The following MTTP variants were observed in gnomAD, a reference collection of about 807,000 sequenced individuals.
MTTP encodes microsomal triglyceride transfer protein large subunit.
Under a neutral mutation model 90.6 loss-of-function variants are expected in MTTP, and 49 were observed. The ratio of observed to expected loss-of-function variants is 0.54; its 90% CI spans 0.43 to 0.69. The LOEUF is 0.69. MTTP is among the 30% of genes least tolerant of loss of function. The pLI is 0.00. For synonymous variants in MTTP, 347 were observed against 384.2 expected (o/e 0.90, Z 1.13); for missense variants, 945 against 1,067.5 (o/e 0.89, Z 1.60).
In MTTP at chr4:99,622,167, A is replaced by C. The variant is rs546739384; in HGVS notation, c.2514-510A>C. Among the ~76,000 whole-genome samples the C allele has an allele frequency of 6.6e-5, 10 of 152,336 alleles. No homozygotes were observed. The East Asian group carries it at 1.7e-3, about 26-fold the overall frequency. Reference sequence around the variant, plus strand: ...TAAGTTATATCTAGAATGAACCTCCACAAATGCATTTTAAAAACCCCAACC... The same window carrying C: ...TAAGTTATATCTAGAATGAACCTCCCCAAATGCATTTTAAAAACCCCAACC... On this transcript the variant is annotated intron_variant, in intron 17 of 17. Transcript: ENST00000265517.
chr4:99,590,843 ACACACACACACACACACACAC>A (rs1725397392), intron 4 of MTTP, among the ~76,000 whole-genome samples: 1 of 89,430 alleles, frequency 1.1e-5, no homozygotes, highest in Non-Finnish European at 2.2e-5. Flanking sequence ...AGTTACACAC[ACACACACACACACACACACAC>A]CACACACACA....
intron 12 of MTTP, among the ~76,000 whole-genome samples, chr4:99,609,542 C>A (rs1725900567): frequency 6.6e-6 from 1 of 152,146 alleles, no homozygotes; most frequent in Non-Finnish European, 1.5e-5. Context: ...GTGGCTCCCC[C>A]AAGGTGCCTC....
At chr4:99,575,295 T>G (rs956249088) in intron 1 of MTTP, among the ~76,000 whole-genome samples, 4 of 152,226 alleles carry the variant, frequency 2.6e-5, no homozygotes, top group African/African-American at 9.6e-5. Context: ...CTGCTGTTGT[T>G]GGTCACATTG....
chr4:99,601,102 T>A (rs531794957), intron 9 of MTTP, among the ~76,000 whole-genome samples: 2 of 152,128 alleles, frequency 1.3e-5, no homozygotes, highest in African/African-American at 4.8e-5. Flanking sequence ...TACACCTACA[T>A]TGAAGAGATA....
At chr4:99,585,315 AAAGTT>A (rs1725233140) in intron 3 of MTTP, among the ~76,000 whole-genome samples, 1 of 152,134 alleles carries the variant, frequency 6.6e-6, no homozygotes, top group African/African-American at 2.4e-5. Context: ...ATGAGGAACC[AAAGTT>A]AAGAAAAGTT....
At chr4:99,583,980 A>G (rs1057615) in intron 3 of MTTP, 44,609 of 173,846 alleles carry the variant, frequency 0.26, 6,058 homozygotes, top group South Asian at 0.33. Flanking sequence ...AAGATTTTAA[A>G]AGGGTATGAC....
intron 10 of MTTP, among the ~76,000 whole-genome samples, chr4:99,605,869 A>ATGTGTGTGTGTG (rs111417359): frequency 0.2 from 30,401 of 149,116 alleles, 3,673 homozygotes; most frequent in East Asian, 0.43. Flanking sequence ...AACCCCATGT[A>ATGTGTGTGTGTG]TGTGTGTGTG....
chr4:99,594,168 T>C (rs915469114), intron 6 of MTTP, among the ~76,000 whole-genome samples: 1 of 152,202 alleles, frequency 6.6e-6, no homozygotes, highest in Non-Finnish European at 1.5e-5. Flanking sequence ...AGAGAAAAGC[T>C]GAATTCTCTT....
At chr4:99,579,559 C>G (rs1292903219) in intron 1 of MTTP, among the ~76,000 whole-genome samples, 2 of 152,142 alleles carry the variant, frequency 1.3e-5, no homozygotes, top group African/African-American at 4.8e-5. Flanking sequence ...AGAGGTTTTT[C>G]TCTCAGCATC....
At chr4:99,567,488 A>G (rs1724730662) in intron 1 of MTTP, among the ~76,000 whole-genome samples, 2 of 152,302 alleles carry the variant, frequency 1.3e-5, no homozygotes, top group South Asian at 4.1e-4. Flanking sequence ...AAAATCACTA[A>G]AAAACAGAGG....
intron 1 of MTTP, among the ~76,000 whole-genome samples, chr4:99,576,964 T>C (rs1724979370): frequency 6.6e-6 from 1 of 152,294 alleles, no homozygotes; most frequent in Admixed American, 6.5e-5. Context: ...AGGGTCCACT[T>C]CTGGAGTCTT....
intron 8 of MTTP, 35 bp from the exon 9 acceptor site, chr4:99,600,530 A>G (rs1725668348): frequency 6.3e-7 from 1 of 1,599,688 alleles, no homozygotes; most frequent in Non-Finnish European, 8.6e-7. Context: ...CCTTCCCCTA[A>G]ACATTGATAT....
At chr4:99,603,927 C>G (rs1201140493) in intron 10 of MTTP, among the ~76,000 whole-genome samples, 1 of 152,180 alleles carries the variant, frequency 6.6e-6, no homozygotes, top group Non-Finnish European at 1.5e-5. Flanking sequence ...GTTCTCATCA[C>G]ATCTTTAAAA....
chr4:99,619,216 G>A, intron 16 of MTTP, 118 bp downstream of exon 16: 2 of 1,011,088 alleles, frequency 2.0e-6, no homozygotes, highest in South Asian at 1.3e-5. Flanking sequence ...TTTCTATTTG[G>A]AATTATAAAA....
chr4:99,612,516 T>TAAAA (rs1406907090), intron 14 of MTTP, among the ~76,000 whole-genome samples: 5 of 152,154 alleles, frequency 3.3e-5, no homozygotes, highest in African/African-American at 1.2e-4. Context: ...GCAAGACAGC[T>TAAAA]GATGCGTTGT....
rs1358351283 is a variant in MTTP at position 99,622,797 on chromosome 4, C to G, written c.2634C>G (p.Cys878Trp). ...FPLHQENSEM[C>W]KVVFAPQPDS... Reference sequence around the variant, plus strand: ...TCCATCAAGAGAACTCAGAGATGTGCAAAGTGGTGTTTGCCCCTCAGCCGG... The same window carrying G: ...TCCATCAAGAGAACTCAGAGATGTGGAAAGTGGTGTTTGCCCCTCAGCCGG... The change falls in exon 18 of 18, where the codon TGC becomes TGG. Residue 878 changes from cysteine (C) to tryptophan (W), a missense_variant. Transcript: ENST00000265517. 27 of 1,613,988 alleles carry G rather than the reference C, an allele frequency of 1.7e-5. No homozygotes were observed. The highest frequency in any genetic ancestry group is 2.3e-5 in the Non-Finnish European group (27 of 1,180,004).
chr4:99,612,386 T>C (rs1052575905), intron 14 of MTTP, among the ~76,000 whole-genome samples: 4 of 149,200 alleles, frequency 2.7e-5, no homozygotes, highest in Non-Finnish European at 5.9e-5. Context: ...TTTTTTTGGC[T>C]AGGGAGAAAA....
At chr4:99,606,707 A>G (rs771888016) in intron 10 of MTTP, 41 bp from the exon 11 acceptor site, 5 of 1,588,820 alleles carry the variant, frequency 3.1e-6, no homozygotes, top group South Asian at 1.1e-5. Context: ...GTCTTCTTCA[A>G]TGTATGGTCA....
chr4:99,622,824 T>C lies in MTTP; in HGVS notation c.2661T>C (p.Asp887=). ...AAGTGGTGTTTGCCCCTCAGCCGGA[T>C]AGTACTTCCAGCGGATGGTTTTGAA... ...MCKVVFAPQP[D]STSSGWF The change falls in exon 18 of 18, where the codon GAT becomes GAC. Residue 887 remains aspartate (D), a synonymous_variant. Coordinates refer to ENST00000265517, the MANE Select transcript of MTTP (RefSeq NM_001386140.1). 2 of 1,614,112 alleles carry C rather than the reference T, an allele frequency of 1.2e-6. No homozygotes were observed. The highest frequency in any genetic ancestry group is 1.7e-5 in the Admixed American group (1 of 60,022).
Sources: gnomAD v4.1 joint callset for allele counts (sites outside exome capture counted in the v4.1 genomes callset) on GRCh38, gnomAD v4.1.1 for gene constraint, MANE v1.5 for transcripts, NCBI Gene and HGNC (gene_info 2026-07-23, HGNC 2026-07-21) for gene names.